ZBTB38: variants seen among roughly 807,000 people sequenced by gnomAD.
The protein encoded by ZBTB38 is zinc finger and BTB domain-containing protein 38.
Under a neutral mutation model 76.8 loss-of-function variants are expected in ZBTB38, and 20 were observed. That is an observed-to-expected ratio of 0.26 (90% CI 0.18 to 0.38). ZBTB38 has a LOEUF of 0.38. ZBTB38 is among the 10% of genes least tolerant of loss of function. The pLI, the probability that ZBTB38 is intolerant of heterozygous loss-of-function variation, is 1.00. For synonymous variants in ZBTB38, 504 were observed against 544.2 expected, an observed-to-expected ratio of 0.93 and a Z score of 1.03; for missense variants, 1,082 against 1,482.3, an observed-to-expected ratio of 0.73 and a Z score of 4.43.
chr3:141,433,655 A>C (rs939966211), intron 5 of ZBTB38, among the ~76,000 whole-genome samples: 1 of 152,216 alleles, frequency 6.6e-6, no homozygotes, highest in African/African-American at 2.4e-5. Flanking sequence ...TAATGAGAGG[A>C]CTAGTACTGT....
intron 5 of ZBTB38, among the ~76,000 whole-genome samples, chr3:141,437,025 C>CT (rs1178995445): frequency 3.9e-5 from 6 of 152,126 alleles, no homozygotes; most frequent in African/African-American, 1.4e-4. Context: ...ATCCAATGAG[C>CT]TGGATAACTG....
At chr3:141,373,992 T>C (rs1160398250) in intron 2 of ZBTB38, among the ~76,000 whole-genome samples, 1 of 152,010 alleles carries the variant, frequency 6.6e-6, no homozygotes, top group East Asian at 1.9e-4. Context: ...TAGCTGGGCT[T>C]GGTGGCACAT....
intron 1 of ZBTB38, among the ~76,000 whole-genome samples, chr3:141,333,367 A>G (rs1316436964): frequency 6.6e-6 from 1 of 152,018 alleles, no homozygotes; most frequent in Admixed American, 6.6e-5. Context: ...CTCCAGGCCC[A>G]CTTCATCCCT....
At chr3:141,344,457 C>T (rs569939220) in intron 1 of ZBTB38, among the ~76,000 whole-genome samples, 13 of 152,350 alleles carry the variant, frequency 8.5e-5, no homozygotes, top group Middle Eastern at 3.4e-3. Context: ...CAGCCTCAAC[C>T]TCCAAGGCTG....
rs556456125 is a variant in ZBTB38 at position 141,422,173 on chromosome 3, G to GA, written c.-1+18145dup. Reference sequence around the variant, plus strand: ...CAGAATGGGCAGGCTCAGCAATGCAGAAAGAGCCCAGCCTTTCCAGGAGTA... The same window carrying GA: ...CAGAATGGGCAGGCTCAGCAATGCAGAAAAGAGCCCAGCCTTTCCAGGAGTA... On this transcript the variant is annotated intron_variant, in intron 5 of 5. Transcript: ENST00000321464. Among the ~76,000 whole-genome samples, 22 of 152,356 alleles carry GA rather than the reference G, an allele frequency of 1.4e-4. No homozygotes were observed. In the South Asian group the frequency reaches 4.6e-3, roughly 32 times the overall value.
At chr3:141,434,394 T>TGGGGGGGCGG in intron 5 of ZBTB38, 1 of 33,318 alleles carries the variant, frequency 3.0e-5, no homozygotes, top group East Asian at 8.9e-4. Context: ...GTGTGTGCAC[T>TGGGGGGGCGG]GGGGGGGCGG....
chr3:141,410,201 T>TA (rs1337393620), intron 5 of ZBTB38, among the ~76,000 whole-genome samples: 1 of 152,136 alleles, frequency 6.6e-6, no homozygotes, highest in Non-Finnish European at 1.5e-5. Flanking sequence ...TCCTCATAGA[T>TA]ATGCCGATAT....
At chr3:141,398,616 C>A (rs901777571) in intron 4 of ZBTB38, among the ~76,000 whole-genome samples, 1 of 152,106 alleles carries the variant, frequency 6.6e-6, no homozygotes, top group Non-Finnish European at 1.5e-5. Context: ...AGCTGCTAGG[C>A]AATCTTGTTT....
intron 2 of ZBTB38, among the ~76,000 whole-genome samples, chr3:141,379,564 G>T (rs1384561773): frequency 2.6e-5 from 4 of 152,210 alleles, no homozygotes; most frequent in African/African-American, 9.7e-5. Context: ...CTGTGAGTTG[G>T]CAACCAGGAT....
At chr3:141,382,025 T>C (rs1946265040) in intron 3 of ZBTB38, among the ~76,000 whole-genome samples, 4 of 152,200 alleles carry the variant, frequency 2.6e-5, no homozygotes, top group Admixed American at 2.6e-4. Flanking sequence ...TTTAAAAATA[T>C]GTTGGAAAAA....
chr3:141,447,627 A>G lies in ZBTB38; in HGVS notation c.*1651A>G, dbSNP rs1280295897. 1 of 152,352 alleles carries G rather than the reference A, an allele frequency of 6.6e-6. No homozygotes were observed. The highest frequency in any genetic ancestry group is 1.9e-4 in the East Asian group (1 of 5,198). 9.4% of individuals were successfully genotyped at this position (152,352 alleles called of 1,614,324 possible). On this transcript the variant is annotated 3_prime_UTR_variant, in exon 6 of 6. Coordinates refer to ENST00000321464, the MANE Select transcript of ZBTB38 (RefSeq NM_001376113.1). ...ACCTGCAGTCATTCATGTTCATTGG[A>G]TTTGACAGATGGAAACCCAAGGTTA...
chr3:141,331,871 C>G (rs1942864296), intron 1 of ZBTB38, among the ~76,000 whole-genome samples: 1 of 152,202 alleles, frequency 6.6e-6, no homozygotes, highest in African/African-American at 2.4e-5. Flanking sequence ...CTGGGAAGGC[C>G]TGTGAGTCAG....
intron 1 of ZBTB38, among the ~76,000 whole-genome samples, chr3:141,329,429 G>A (rs868852769): frequency 6.6e-6 from 1 of 152,128 alleles, no homozygotes; most frequent in Non-Finnish European, 1.5e-5. Context: ...TTAATGACTC[G>A]TGACTGTACA....
At chr3:141,423,960 T>G (rs2150255108) in intron 5 of ZBTB38, among the ~76,000 whole-genome samples, 1 of 152,156 alleles carries the variant, frequency 6.6e-6, no homozygotes, top group East Asian at 1.9e-4. Context: ...ATCGGAGAGG[T>G]AATGAGGCCC....
At chr3:141,331,194 T>C (rs1435513964) in intron 1 of ZBTB38, among the ~76,000 whole-genome samples, 1 of 152,240 alleles carries the variant, frequency 6.6e-6, no homozygotes, top group African/African-American at 2.4e-5. Context: ...TTTACTCTTC[T>C]GTTGAAGCAT....
At chr3:141,364,716 A>G (rs771409927), upstream of ZBTB38, among the ~76,000 whole-genome samples, 2 of 144,702 alleles carry the variant, frequency 1.4e-5, no homozygotes, top group African/African-American at 5.0e-5. Flanking sequence ...AAAAAGCCCA[A>G]TTTGAAAGAT....
chr3:141,417,179 CT>C (rs918220357), intron 5 of ZBTB38, among the ~76,000 whole-genome samples: 5 of 152,192 alleles, frequency 3.3e-5, no homozygotes, highest in African/African-American at 1.2e-4. Context: ...TCATGCTCCC[CT>C]TTTAGCCCTA....
chr3:141,327,806 C>A (rs1559908433), intron 1 of ZBTB38, among the ~76,000 whole-genome samples: 1 of 152,146 alleles, frequency 6.6e-6, no homozygotes, highest in East Asian at 1.9e-4. Context: ...ATCTTGTCAA[C>A]TTTTCTCAAA....
intron 1 of ZBTB38, among the ~76,000 whole-genome samples, chr3:141,341,587 C>T (rs183475184): frequency 2.0e-5 from 3 of 152,236 alleles, no homozygotes; most frequent in African/African-American, 7.2e-5. Flanking sequence ...AGCACCAATA[C>T]TGAAAAGACA....
Sources: gnomAD v4.1 joint callset for allele counts (sites outside exome capture counted in the v4.1 genomes callset) on GRCh38, gnomAD v4.1.1 for gene constraint, MANE v1.5 for transcripts, NCBI Gene and HGNC (gene_info 2026-07-23, HGNC 2026-07-21) for gene names.